CTIF: variants seen among roughly 807,000 people sequenced by gnomAD.
CTIF encodes the protein cap binding complex dependent translation initiation factor, also known as CBP80/20-dependent translation initiation factor.
CTIF carries 21 observed loss-of-function variants against 66.0 expected under a neutral mutation model. The observed-to-expected ratio is 0.32, with a 90% confidence interval of 0.23 to 0.46. The LOEUF (loss-of-function observed/expected upper bound fraction) is 0.46, where lower values mean the gene tolerates loss of function less well. Ranked by LOEUF, CTIF falls within the 20% of genes least tolerant of loss-of-function variation. The pLI is 1.00. For synonymous variants in CTIF, 345 were observed against 326.4 expected (o/e 1.06, Z -0.62); for missense variants, 739 against 812.7 (o/e 0.91, Z 1.10).
At chr18:48,662,858 GAT>G (rs2091369658) in intron 3 of CTIF, among the ~76,000 whole-genome samples, 2 of 152,094 alleles carry the variant, frequency 1.3e-5, no homozygotes, top group African/African-American at 4.8e-5. Flanking sequence ...ACTGCGGTGT[GAT>G]ACTCCAATAT....
chr18:48,834,890 G>A (rs1018693050), intron 10 of CTIF: 8 of 152,684 alleles, frequency 5.2e-5, no homozygotes, highest in South Asian at 4.1e-4. Context: ...CGTGAGTGGA[G>A]CTGGCATGCG....
At chr18:48,773,568 G>A (rs967730802) in intron 9 of CTIF, among the ~76,000 whole-genome samples, 2 of 152,202 alleles carry the variant, frequency 1.3e-5, no homozygotes, top group African/African-American at 2.4e-5. Context: ...TGCCATGGTG[G>A]GCTCCAAGAG....
chr18:48,646,366 A>G (rs746425093), intron 3 of CTIF, among the ~76,000 whole-genome samples: 2 of 152,186 alleles, frequency 1.3e-5, no homozygotes, highest in Non-Finnish European at 2.9e-5. Context: ...TAAAACCCCA[A>G]CAAGACATCA....
chr18:48,624,486 C>A (rs1490097888), intron 2 of CTIF, among the ~76,000 whole-genome samples: 1 of 152,138 alleles, frequency 6.6e-6, no homozygotes, highest in East Asian at 1.9e-4. Context: ...ATCTCATTGA[C>A]CACTAATCTT....
At chr18:48,562,238 CATT>C (rs1470368147) in intron 1 of CTIF, among the ~76,000 whole-genome samples, 2 of 152,198 alleles carry the variant, frequency 1.3e-5, no homozygotes, top group African/African-American at 4.8e-5. Flanking sequence ...CTTATGAAAA[CATT>C]ATGAGATGAG....
At chr18:48,620,919 A>T (rs978976236) in intron 2 of CTIF, among the ~76,000 whole-genome samples, 18 of 152,202 alleles carry the variant, frequency 1.2e-4, no homozygotes, top group Non-Finnish European at 1.9e-4. Flanking sequence ...CTGAAGCCAC[A>T]GTAATCCCAT....
chr18:48,561,073 T>C (rs1281308196), intron 1 of CTIF, among the ~76,000 whole-genome samples: 1 of 151,978 alleles, frequency 6.6e-6, no homozygotes, highest in African/African-American at 2.4e-5. Flanking sequence ...ACCCCATCTC[T>C]ACTAAAAATA....
chr18:48,645,316 A>G (rs547464756), intron 3 of CTIF, among the ~76,000 whole-genome samples: 1 of 150,180 alleles, frequency 6.7e-6, no homozygotes, highest in Non-Finnish European at 1.5e-5. Context: ...GCTGCTCTCT[A>G]CAGGAAACGG....
intron 7 of CTIF, among the ~76,000 whole-genome samples, chr18:48,753,262 C>T (rs1908011563): frequency 6.6e-6 from 1 of 152,160 alleles, no homozygotes; most frequent in Non-Finnish European, 1.5e-5. Flanking sequence ...AGCAGACCTA[C>T]AAATTATGTG....
chr18:48,564,256 G>C (rs2089230391), intron 1 of CTIF, among the ~76,000 whole-genome samples: 1 of 152,326 alleles, frequency 6.6e-6, no homozygotes, highest in South Asian at 2.1e-4. Context: ...GTACCCAGAC[G>C]TGTTGCCTGC....
intron 3 of CTIF, among the ~76,000 whole-genome samples, chr18:48,640,281 C>A (rs536189681): frequency 6.6e-6 from 1 of 152,218 alleles, no homozygotes; most frequent in Non-Finnish European, 1.5e-5. Context: ...CAAGCTGTTC[C>A]GCGCACACCT....
intron 1 of CTIF, among the ~76,000 whole-genome samples, chr18:48,556,271 G>A (rs964000046): frequency 2.0e-5 from 3 of 152,174 alleles, no homozygotes; most frequent in African/African-American, 2.4e-5. Context: ...GAGTGGTAGC[G>A]AAGAATTCCA....
intron 7 of CTIF, chr18:48,756,114 C>T (rs1184094791): frequency 2.0e-5 from 3 of 152,232 alleles, no homozygotes; most frequent in East Asian, 1.9e-4. Context: ...CCTAGCAAGA[C>T]AGAAAACTCG....
chr18:48,600,025 A>C (rs1160652968), intron 1 of CTIF, among the ~76,000 whole-genome samples: 1 of 152,138 alleles, frequency 6.6e-6, no homozygotes, highest in Non-Finnish European at 1.5e-5. Context: ...CTAGCTGCCA[A>C]CCAATGTGTC....
At chr18:48,641,093 C>A (rs544792883) in intron 3 of CTIF, among the ~76,000 whole-genome samples, 5 of 152,148 alleles carry the variant, frequency 3.3e-5, no homozygotes, top group African/African-American at 1.2e-4. Context: ...TTAGTTAGGA[C>A]GTCAGACGTT....
intron 3 of CTIF, among the ~76,000 whole-genome samples, chr18:48,643,110 T>C (rs2090964135): frequency 6.6e-6 from 1 of 152,188 alleles, no homozygotes; most frequent in African/African-American, 2.4e-5. Flanking sequence ...TTTCTTTCCC[T>C]CTTCTTCTTC....
At chr18:48,662,222 C>G (rs2091357970) in intron 3 of CTIF, 1 of 152,418 alleles carries the variant, frequency 6.6e-6, no homozygotes, top group Admixed American at 6.5e-5. Context: ...TGGTCAGGAG[C>G]AAAGGGGATT....
intron 11 of CTIF, 123 bp from the exon 12 acceptor site, chr18:48,859,221 G>A: frequency 1.3e-6 from 1 of 785,306 alleles, no homozygotes; most frequent in South Asian, 1.5e-5. Flanking sequence ...TGTGGCACAG[G>A]GGTCTGGGCC....
In CTIF at chr18:48,569,290, G is replaced by A. The variant is rs115539210; in HGVS notation, c.-29+29978G>A. On this transcript the variant is annotated intron_variant, in intron 1 of 11. Coordinates refer to ENST00000256413, the MANE Select transcript of CTIF (RefSeq NM_014772.3). ...CGTGCACAGTTTTGAGCAGAAAAAC[G>A]CACTGCTGGAGGAAAAGGAGAGAAC... Among the ~76,000 whole-genome samples the A allele has an allele frequency of 2.3e-3, 348 of 152,202 alleles. 1 individual carries two copies. Among genetic ancestry groups the A allele is most frequent in the African/African-American group, 7.9e-3 (328 of 41,548 alleles).
Sources: allele counts gnomAD v4.1 joint callset (sites outside exome capture counted in the v4.1 genomes callset), GRCh38; gene constraint gnomAD v4.1.1; transcripts MANE v1.5; gene names NCBI Gene and HGNC (gene_info 2026-07-23, HGNC 2026-07-21).